The following LDAH variants were observed in gnomAD, a reference collection of about 807,000 sequenced individuals.
LDAH encodes lipid droplet associated hydrolase, also known as lipid droplet-associated hydrolase.
A neutral mutation model predicts 29.6 loss-of-function variants in LDAH; 26 were observed. The observed-to-expected ratio is 0.88, with a 90% CI of 0.64 to 1.22. The LOEUF (loss-of-function observed/expected upper bound fraction) is 1.22, where lower values mean the gene tolerates loss of function less well. Ranked by LOEUF, LDAH falls within the 50% of genes most tolerant of loss-of-function variation. LDAH has a pLI of 0.00. For synonymous variants in LDAH, 117 were observed against 133.0 expected (o/e 0.88, Z 0.83); for missense variants, 344 against 387.3 (o/e 0.89, Z 0.94).
chr2:20,744,049 G>C (rs1667399489), intron 4 of LDAH, among the ~76,000 whole-genome samples: 1 of 151,270 alleles, frequency 6.6e-6, no homozygotes, highest in Non-Finnish European at 1.5e-5. Flanking sequence ...ATTTCTCTTT[G>C]CTTTTTCCTT....
chr2:20,711,504 T>C (rs1664763567), intron 5 of LDAH, among the ~76,000 whole-genome samples: 1 of 152,188 alleles, frequency 6.6e-6, no homozygotes. Context: ...CATTTCCAAC[T>C]GAGGTACCTG....
chr2:20,795,964 C>T (rs1671278829), intron 2 of LDAH, among the ~76,000 whole-genome samples: 1 of 151,306 alleles, frequency 6.6e-6, no homozygotes, highest in African/African-American at 2.4e-5. Context: ...CACACACACA[C>T]ACACACACAC....
intron 4 of LDAH, among the ~76,000 whole-genome samples, chr2:20,760,589 A>G (rs1412181980): frequency 1.3e-5 from 2 of 152,184 alleles, no homozygotes; most frequent in African/African-American, 4.8e-5. Context: ...AGTTCTTTGT[A>G]GTGTAGCATC....
At chr2:20,683,858 TA>T (rs34107436), downstream of LDAH, among the ~76,000 whole-genome samples, 63,119 of 150,452 alleles carry the variant, frequency 0.42, 13,677 homozygotes, top group Middle Eastern at 0.5. Flanking sequence ...TTATCTCCAT[TA>T]AAAAAAAAAT....
chr2:20,764,978 T>C (rs1572577572), intron 4 of LDAH, among the ~76,000 whole-genome samples: 1 of 152,164 alleles, frequency 6.6e-6, no homozygotes, highest in African/African-American at 2.4e-5. Flanking sequence ...CTGTTAGTAA[T>C]GACAATAACA....
intron 2 of LDAH, among the ~76,000 whole-genome samples, chr2:20,793,489 C>T (rs1368243497): frequency 1.3e-5 from 2 of 152,116 alleles, no homozygotes; most frequent in African/African-American, 4.8e-5. Context: ...AGTCCATAAT[C>T]CTTGGTTCTT....
At position 20,724,355 on chromosome 2, in the gene LDAH, C is replaced by T. The variant is rs545299128; in HGVS notation, c.703+15616G>A. Among the ~76,000 whole-genome samples the T allele has an allele frequency of 8.5e-5, 13 of 152,332 alleles. 1 individual carries two copies. Among genetic ancestry groups the T allele is most frequent in the African/African-American group, 3.1e-4 (13 of 41,574 alleles). ...TTCATATTTTTTCTCTTCTATCCCA[C>T]TGTAAGTAACTTAAGGGCAGGAACT... On this transcript the variant is annotated intron_variant, in intron 5 of 6. Transcript: ENST00000237822.
At chr2:20,710,464 C>T (rs1664633558) in intron 5 of LDAH, among the ~76,000 whole-genome samples, 1 of 151,328 alleles carries the variant, frequency 6.6e-6, no homozygotes, top group Non-Finnish European at 1.5e-5. Context: ...AAGAAAACCC[C>T]AGGCCAAGAT....
At chr2:20,821,095 T>G (rs1414625287) in intron 1 of LDAH, among the ~76,000 whole-genome samples, 1 of 152,100 alleles carries the variant, frequency 6.6e-6, no homozygotes, top group Non-Finnish European at 1.5e-5. Context: ...AGAATGGTGA[T>G]CATTAAAAAG....
intron 5 of LDAH, among the ~76,000 whole-genome samples, chr2:20,719,643 C>T (rs1296592445): frequency 6.6e-6 from 1 of 151,958 alleles, no homozygotes; most frequent in African/African-American, 2.4e-5. Flanking sequence ...CCAGCATTAC[C>T]ATGATACCAA....
chr2:20,696,924 C>T (rs972622868), intron 6 of LDAH, among the ~76,000 whole-genome samples: 1 of 152,158 alleles, frequency 6.6e-6, no homozygotes, highest in Non-Finnish European at 1.5e-5. Flanking sequence ...TCGTCTTCCT[C>T]CCAACCCTTA....
chr2:20,792,112 G>T (rs1671002513), intron 2 of LDAH, among the ~76,000 whole-genome samples: 1 of 150,868 alleles, frequency 6.6e-6, no homozygotes, highest in African/African-American at 2.4e-5. Context: ...AATCTCTTTG[G>T]GATTGTGACT....
chr2:20,705,661 T>C (rs999728623), intron 5 of LDAH, among the ~76,000 whole-genome samples: 7 of 152,192 alleles, frequency 4.6e-5, no homozygotes, highest in African/African-American at 1.7e-4. Flanking sequence ...AGACTTAAAG[T>C]GCTTATAGTA....
rs558396140 is a variant in LDAH at position 20,702,731 on chromosome 2, T to C, written c.704-1079A>G. On this transcript the variant is annotated intron_variant, in intron 5 of 6. Transcript: ENST00000237822. Reference sequence around the variant, plus strand: ...TTCTCTTGCTGTCTGGAATTACTCATCTAAACAAGGCATGACCTTAGCATA... The same window carrying C: ...TTCTCTTGCTGTCTGGAATTACTCACCTAAACAAGGCATGACCTTAGCATA... Among the ~76,000 whole-genome samples the C allele has an allele frequency of 8.5e-5, 13 of 152,342 alleles. 1 individual carries two copies. Among genetic ancestry groups the C allele is most frequent in the African/African-American group, 3.1e-4 (13 of 41,576 alleles).
intron 1 of LDAH, among the ~76,000 whole-genome samples, chr2:20,817,135 A>C (rs1186183368): frequency 6.6e-6 from 1 of 152,072 alleles, no homozygotes; most frequent in Non-Finnish European, 1.5e-5. Context: ...ACTAATAATC[A>C]CAGCACTAGA....
At chr2:20,735,530 A>G (rs944125441) in intron 5 of LDAH, among the ~76,000 whole-genome samples, 1 of 152,032 alleles carries the variant, frequency 6.6e-6, no homozygotes, top group Non-Finnish European at 1.5e-5. Context: ...ATCATTAAAT[A>G]ATTTTTATAG....
intron 1 of LDAH, 119 bp from the exon 2 acceptor site, chr2:20,801,584 G>A: frequency 1.3e-6 from 1 of 765,966 alleles, no homozygotes; most frequent in Non-Finnish European, 2.1e-6. Flanking sequence ...AATGCCACAA[G>A]GACATCTGGG....
chr2:20,732,341 AGT>A (rs1474997979), intron 5 of LDAH, among the ~76,000 whole-genome samples: 8 of 152,066 alleles, frequency 5.3e-5, no homozygotes, highest in African/African-American at 1.9e-4. Context: ...ACTGGCCTGT[AGT>A]TTCTTCTTTT....
chr2:20,784,312 G>A (rs912864492), intron 3 of LDAH, among the ~76,000 whole-genome samples: 1 of 152,072 alleles, frequency 6.6e-6, no homozygotes, highest in Non-Finnish European at 1.5e-5. Flanking sequence ...AGGCTGAGGT[G>A]GGAATGATCA....
Sources: gnomAD v4.1 joint callset for allele counts (sites outside exome capture counted in the v4.1 genomes callset) on GRCh38, gnomAD v4.1.1 for gene constraint, MANE v1.5 for transcripts, NCBI Gene and HGNC (gene_info 2026-07-23, HGNC 2026-07-21) for gene names.